Variants in CROT observed in about 807,000 individuals in gnomAD.
The protein encoded by CROT is peroxisomal carnitine O-octanoyltransferase.
A neutral mutation model predicts 89.2 loss-of-function variants in CROT; 84 were observed. That is an observed-to-expected ratio of 0.94 (90% confidence interval 0.79 to 1.13). The LOEUF (loss-of-function observed/expected upper bound fraction) is 1.13, where lower values mean the gene tolerates loss of function less well. Among genes scored for constraint, CROT ranks in the 50% most tolerant of loss-of-function variants. CROT has a pLI of 0.00. For missense variants in CROT, 711 were observed against 727.8 expected (o/e 0.98, Z 0.27); for synonymous variants, 212 against 239.5 (o/e 0.89, Z 1.06).
At position 87,370,222 on chromosome 7, in the gene CROT, G is replaced by C. The variant is rs138499613; in HGVS notation, c.656+738G>C. Among the ~76,000 whole-genome samples the C allele has an allele frequency of 5.4e-3, 822 of 152,058 alleles. 4 individuals are homozygous for C. Among genetic ancestry groups the C allele is most frequent in the Middle Eastern group, 0.031 (9 of 294 alleles). On this transcript the variant is annotated intron_variant, in intron 7 of 17. Coordinates refer to ENST00000331536, the MANE Select transcript of CROT (RefSeq NM_021151.4). ...TTTTTGAGACAGAGTCTTGCTTTGTGTCCAGGCTGGAGTGCAGAGGCACAA... is the reference window on the plus strand; with the variant it reads ...TTTTTGAGACAGAGTCTTGCTTTGTCTCCAGGCTGGAGTGCAGAGGCACAA...
intron 7 of CROT, among the ~76,000 whole-genome samples, chr7:87,374,849 T>C (rs1806755107): frequency 2.0e-5 from 3 of 151,870 alleles, no homozygotes; most frequent in Admixed American, 2.0e-4. Context: ...GACCATTTAT[T>C]AAGCTACATT....
At chr7:87,368,361 G>A (rs974377028) in intron 6 of CROT, among the ~76,000 whole-genome samples, 3 of 152,092 alleles carry the variant, frequency 2.0e-5, no homozygotes, top group Admixed American at 6.6e-5. Flanking sequence ...TTTGAAAGGG[G>A]TGTGGTCAGG....
chr7:87,364,944 A>C (rs187303813), intron 6 of CROT, among the ~76,000 whole-genome samples: 127 of 152,256 alleles, frequency 8.3e-4, no homozygotes, highest in African/African-American at 2.9e-3. Context: ...AGGAGAAAGG[A>C]GGTTTGAAAT....
At chr7:87,351,969 T>C (rs1381027475) in intron 3 of CROT, among the ~76,000 whole-genome samples, 1 of 152,242 alleles carries the variant, frequency 6.6e-6, no homozygotes, top group Admixed American at 6.5e-5. Context: ...CCTTACGTGA[T>C]CTTAGATTCT....
At chr7:87,359,973 T>C (rs1156810141) in intron 4 of CROT, 1 of 981,574 alleles carries the variant, frequency 1.0e-6, no homozygotes, top group Non-Finnish European at 1.2e-6. Flanking sequence ...TATCATTTAG[T>C]TTTAGAAATA....
At chr7:87,371,901 G>A (rs1345583973) in intron 7 of CROT, among the ~76,000 whole-genome samples, 1 of 151,660 alleles carries the variant, frequency 6.6e-6, no homozygotes, top group East Asian at 1.9e-4. Context: ...GGCTGGGGTG[G>A]GAGGATCACT....
At chr7:87,366,511 A>G (rs1021331066) in intron 6 of CROT, among the ~76,000 whole-genome samples, 1 of 152,132 alleles carries the variant, frequency 6.6e-6, no homozygotes, top group Admixed American at 6.6e-5. Context: ...TTAGCTTTCA[A>G]TTGTAGACGA....
Position 87,392,506 on chromosome 7 carries a change from T to A in CROT, c.1426-60T>A, listed in dbSNP as rs1807395033. On this transcript the variant is annotated intron_variant, in intron 14 of 17. Transcript: ENST00000331536. ...ATCCTAATTACAATGAGCTTAGGAT[T>A]TTTTTCTAGTTGGGTTTTGCACAGT... 4 of 1,350,858 alleles carry A rather than the reference T, an allele frequency of 3.0e-6. No individual in the cohort carries two copies. In the South Asian group the frequency reaches 4.9e-5, roughly 17 times the overall value. 83.7% of individuals were successfully genotyped at this position (1,350,858 alleles called of 1,614,324 possible).
At chr7:87,383,616 C>A (rs1807095626) in intron 13 of CROT, among the ~76,000 whole-genome samples, 1 of 151,934 alleles carries the variant, frequency 6.6e-6, no homozygotes, top group South Asian at 2.1e-4. Context: ...CCTGCCTCAG[C>A]CTCCTGAGTA....
chr7:87,389,592 G>GAAAA (rs1288771038), intron 13 of CROT, among the ~76,000 whole-genome samples: 1 of 151,524 alleles, frequency 6.6e-6, no homozygotes, highest in Non-Finnish European at 1.5e-5. Flanking sequence ...ATGGACACAG[G>GAAAA]AAGGGAACAT....
At chr7:87,376,899 G>T (rs1191444927) in intron 9 of CROT, among the ~76,000 whole-genome samples, 1 of 152,002 alleles carries the variant, frequency 6.6e-6, no homozygotes, top group Non-Finnish European at 1.5e-5. Context: ...TGATTATGAT[G>T]CACTGAGTTA....
intron 3 of CROT, among the ~76,000 whole-genome samples, chr7:87,354,227 T>G (rs1292452576): frequency 2.0e-5 from 3 of 152,170 alleles, no homozygotes; most frequent in South Asian, 2.1e-4. Flanking sequence ...TAAATCTTAG[T>G]TTTGGCAACC....
At chr7:87,347,682 A>G (rs1467407525) in intron 2 of CROT, among the ~76,000 whole-genome samples, 2 of 152,018 alleles carry the variant, frequency 1.3e-5, no homozygotes, top group Non-Finnish European at 2.9e-5. Context: ...ATACAATGGT[A>G]TGAATAAAAT....
intron 6 of CROT, among the ~76,000 whole-genome samples, chr7:87,363,180 T>G (rs1806335474): frequency 6.6e-6 from 1 of 152,200 alleles, no homozygotes; most frequent in South Asian, 2.1e-4. Flanking sequence ...GGTTATAGTT[T>G]GTAAAATGGG....
chr7:87,388,370 A>G (rs890791934), intron 13 of CROT, among the ~76,000 whole-genome samples: 2 of 152,214 alleles, frequency 1.3e-5, no homozygotes, highest in Admixed American at 1.3e-4. Flanking sequence ...ACCTGACTTC[A>G]AACTGTACTA....
chr7:87,366,766 C>T (rs886772), intron 6 of CROT, among the ~76,000 whole-genome samples: 3,686 of 152,240 alleles, frequency 0.024, 146 homozygotes, highest in African/African-American at 0.085. Flanking sequence ...ACCTAAACAT[C>T]GTTTAAAATT....
intron 3 of CROT, among the ~76,000 whole-genome samples, chr7:87,351,329 A>AAAAG (rs1562926370): frequency 6.6e-6 from 1 of 151,210 alleles, no homozygotes; most frequent in African/African-American, 2.4e-5. Flanking sequence ...AAAAAAAAAA[A>AAAAG]AAAGAAAAGG....
At position 87,384,892 on chromosome 7, in the gene CROT, C is replaced by T. The variant is rs191005724; in HGVS notation, c.1301+2349C>T. 2.4e-3 allele frequency among the ~76,000 whole-genome samples: 370 copies of T among 152,260 alleles called. 1 individual carries two copies. The highest frequency in any genetic ancestry group is 6.8e-3 in the Middle Eastern group (2 of 294). ...TCCATTTTGATTTGAATTTTGTACA[C>T]GGTAAGAGATAGTGGTCCAGTTTCA... On this transcript the variant is annotated intron_variant, in intron 13 of 17. Coordinates refer to ENST00000331536, the MANE Select transcript of CROT (RefSeq NM_021151.4).
At chr7:87,361,003 C>G (rs1806249779) in intron 4 of CROT, among the ~76,000 whole-genome samples, 1 of 152,136 alleles carries the variant, frequency 6.6e-6, no homozygotes, top group African/African-American at 2.4e-5. Context: ...GGGTCTTTCT[C>G]TGTCACCAAG....
Sources: gnomAD v4.1 joint callset for allele counts (sites outside exome capture counted in the v4.1 genomes callset) on GRCh38, gnomAD v4.1.1 for gene constraint, MANE v1.5 for transcripts, NCBI Gene and HGNC (gene_info 2026-07-23, HGNC 2026-07-21) for gene names.